Variants in PRH1 observed in about 807,000 individuals in gnomAD.
PRH1 encodes the protein proline rich protein HaeIII subfamily 1.
A neutral mutation model predicts 7.9 loss-of-function variants in PRH1; 7 were observed. That is an observed-to-expected ratio of 0.89 (90% CI 0.50 to 1.67). The LOEUF (loss-of-function observed/expected upper bound fraction) is 1.67, where lower values mean the gene tolerates loss of function less well. Ranked by LOEUF, PRH1 falls within the 40% of genes most tolerant of loss-of-function variation. PRH1 has a pLI of 0.00. For synonymous variants in PRH1, 45 were observed against 80.8 expected (o/e 0.56, Z 2.38); for missense variants, 109 against 223.6 (o/e 0.49, Z 3.27).
At chr12:11,028,434 C>T (rs1942025686) in intron 1 of PRH1, among the ~76,000 whole-genome samples, 1 of 152,210 alleles carries the variant, frequency 6.6e-6, no homozygotes, top group African/African-American at 2.4e-5. Flanking sequence ...AGGGTCATAC[C>T]AGACATCACC....
At position 11,062,139 on chromosome 12, in the gene PRH1, T is replaced by C. The variant is rs544516029; in HGVS notation, n.124-14951A>G. On this transcript the variant is annotated intron_variant and non_coding_transcript_variant, in intron 1 of 4. Transcript: ENST00000541977. ...CCCAGAGTAAACCAACTCTGGAGAC[T>C]GCCAGAGCAGTGAGAATTTGGTCAG... 309 of 1,613,666 alleles carry C rather than the reference T, an allele frequency of 1.9e-4. No homozygotes were observed. In the East Asian group the frequency reaches 4.1e-3, roughly 22 times the overall value.
chr12:10,992,718 T>C (rs1381475806), intron 1 of PRH1, among the ~76,000 whole-genome samples: 1 of 152,020 alleles, frequency 6.6e-6, no homozygotes, highest in African/African-American at 2.4e-5. Flanking sequence ...AGTCCTGGAG[T>C]ATGAGTTTTT....
chr12:10,971,088 T>C (rs1397643259), intron 2 of PRH1, among the ~76,000 whole-genome samples: 2 of 138,170 alleles, frequency 1.4e-5, no homozygotes, highest in Non-Finnish European at 3.2e-5. Context: ...GAAAAAGTTA[T>C]AACTTTACTC....
chr12:11,119,279 G>C (rs189240936), downstream of PRH1, among the ~76,000 whole-genome samples: 28 of 149,000 alleles, frequency 1.9e-4, no homozygotes, highest in South Asian at 4.4e-4. Context: ...GAAAGGTAGT[G>C]GGGGCTAAAG....
At chr12:11,028,485 G>A (rs892226284) in intron 1 of PRH1, among the ~76,000 whole-genome samples, 5 of 152,140 alleles carry the variant, frequency 3.3e-5, no homozygotes, top group Non-Finnish European at 7.3e-5. Flanking sequence ...ATTTCCACAC[G>A]TCCTTGCCAT....
chr12:11,097,978 T>C lies in PRH1; in HGVS notation n.124-50790A>G, dbSNP rs1413660157. ...TCAACGATTTATTTGCTTTTTTTTC[T>C]TTTACTACATTTTAAAATTCGATAA... On this transcript the variant is annotated intron_variant and non_coding_transcript_variant, in intron 1 of 4. Transcript: ENST00000541977. Among the ~76,000 whole-genome samples the C allele has an allele frequency of 3.2e-4, 14 of 44,402 alleles. 1 individual carries two copies. The East Asian group carries it at 0.047, about 148-fold the overall frequency. The allele number at this position is 44,402 out of a possible 152,430, so 29.1% of individuals were successfully genotyped here.
At chr12:10,932,514 T>C (rs1950228680) in intron 2 of PRH1, among the ~76,000 whole-genome samples, 1 of 152,172 alleles carries the variant, frequency 6.6e-6, no homozygotes, top group East Asian at 1.9e-4. Context: ...TTAGCTCGAA[T>C]TTAAATTGCA....
intron 1 of PRH1, among the ~76,000 whole-genome samples, chr12:11,040,777 A>G (rs1271128400): frequency 6.6e-6 from 1 of 152,236 alleles, no homozygotes; most frequent in Non-Finnish European, 1.5e-5. Context: ...AGTGAAAACA[A>G]AAAGTTAAAA....
At chr12:10,998,457 A>G (rs1389491235) in intron 1 of PRH1, among the ~76,000 whole-genome samples, 1 of 152,142 alleles carries the variant, frequency 6.6e-6, no homozygotes, top group Non-Finnish European at 1.5e-5. Flanking sequence ...ACCACAGGAA[A>G]GCCAATACTC....
At chr12:11,073,010 T>C (rs1335885648) in intron 1 of PRH1, among the ~76,000 whole-genome samples, 1 of 150,992 alleles carries the variant, frequency 6.6e-6, no homozygotes, top group Admixed American at 6.6e-5. Flanking sequence ...TACTTGAACG[T>C]TAAATAGAAA....
chr12:10,886,875 A>G (rs1453436916), upstream of PRH1, among the ~76,000 whole-genome samples: 1 of 152,160 alleles, frequency 6.6e-6, no homozygotes, highest in Non-Finnish European at 1.5e-5. Flanking sequence ...GATCTTTACT[A>G]GAAGGTGATT....
At chr12:10,922,567 A>G (rs1052593315) in intron 2 of PRH1, among the ~76,000 whole-genome samples, 2 of 152,118 alleles carry the variant, frequency 1.3e-5, no homozygotes, top group African/African-American at 4.8e-5. Flanking sequence ...GTGTATTTGA[A>G]TGTTTGTGTC....
chr12:10,971,084 G>A (rs11054120), intron 2 of PRH1, among the ~76,000 whole-genome samples: 39,308 of 143,360 alleles, frequency 0.27, 5,140 homozygotes, highest in Non-Finnish European at 0.28. Context: ...AAGAGAAAAA[G>A]TTATAACTTT....
Position 11,148,714 on chromosome 12 carries a change from T to C in PRH1, n.39+22708A>G, listed in dbSNP as rs1330867355. The stretch of plus-strand genomic sequence containing the variant: ...CAGTATTTTATTGAGGATTTTTGCA[T>C]CAATGTTCATCAAGGATATTAGTCT... On this transcript the variant is annotated intron_variant and non_coding_transcript_variant, in intron 1 of 1. Transcript: ENST00000541175. Among the ~76,000 whole-genome samples the C allele has an allele frequency of 3.5e-5, 4 of 113,750 alleles. 1 individual carries two copies. Among genetic ancestry groups the C allele is most frequent in the Non-Finnish European group, 8.3e-5 (4 of 48,002 alleles). 74.6% of individuals were successfully genotyped at this position (113,750 alleles called of 152,430 possible). A position where few individuals can be genotyped will look rare whatever the true frequency, so the allele number is the denominator to read the frequency against.
intron 2 of PRH1, chr12:10,908,561 T>C (rs765385137): frequency 3.1e-6 from 5 of 1,613,968 alleles, no homozygotes; most frequent in South Asian, 1.1e-5. Context: ...TGAGAACACA[T>C]AGAAAGAAAC....
At chr12:11,039,395 G>C (rs1279118865) in intron 1 of PRH1, among the ~76,000 whole-genome samples, 1 of 152,224 alleles carries the variant, frequency 6.6e-6, no homozygotes, top group Non-Finnish European at 1.5e-5. Context: ...TTCCAAAACA[G>C]CTCAAATTAA....
chr12:10,943,754 C>T (rs370457381), intron 2 of PRH1, among the ~76,000 whole-genome samples: 22 of 152,058 alleles, frequency 1.4e-4, no homozygotes, highest in Middle Eastern at 6.8e-3. Flanking sequence ...TTATATGGTA[C>T]AGGGAAGAAT....
chr12:10,932,449 A>G, intron 2 of PRH1: 1 of 193,012 alleles, frequency 5.2e-6, no homozygotes, highest in South Asian at 1.0e-4. Context: ...CCTTATCCTT[A>G]TTAAGTCATC....
At chr12:11,111,611 A>C (rs1404560905) in intron 1 of PRH1, among the ~76,000 whole-genome samples, 1 of 152,226 alleles carries the variant, frequency 6.6e-6, no homozygotes, top group African/African-American at 2.4e-5. Context: ...CAATGAGAAC[A>C]AAGACAAAAT....
Sources: allele counts gnomAD v4.1 joint callset (sites outside exome capture counted in the v4.1 genomes callset), GRCh38; gene constraint gnomAD v4.1.1; transcripts MANE v1.5; gene names NCBI Gene and HGNC (gene_info 2026-07-23, HGNC 2026-07-21).